Variants in LIMA1 observed in about 807,000 individuals in gnomAD.
The protein encoded by LIMA1 is LIM domain and actin binding 1, also known as LIM domain and actin-binding protein 1.
A neutral mutation model predicts 62.6 loss-of-function variants in LIMA1; 52 were observed. The observed-to-expected ratio is 0.83, with a 90% confidence interval of 0.67 to 1.05. LIMA1 has a LOEUF of 1.05. Ranked by LOEUF, LIMA1 falls within the 50% of genes least tolerant of loss-of-function variation. LIMA1 has a pLI of 0.00. For missense variants in LIMA1, 780 were observed against 902.2 expected (o/e 0.86, Z 1.74); for synonymous variants, 302 against 317.8 (o/e 0.95, Z 0.53).
chr12:50,201,663 G>A (rs1265326113), intron 6 of LIMA1: 4 of 325,216 alleles, frequency 1.2e-5, no homozygotes, highest in African/African-American at 2.3e-5. Flanking sequence ...TTGGGAAGCT[G>A]AGGCGGGTGG....
intron 4 of LIMA1, among the ~76,000 whole-genome samples, chr12:50,216,668 C>T (rs1329846167): frequency 6.6e-6 from 1 of 151,742 alleles, no homozygotes; most frequent in Non-Finnish European, 1.5e-5. Context: ...CAAGACCAGC[C>T]TATCCAACAT....
chr12:50,279,240 A>T (rs1258381342), intron 1 of LIMA1, among the ~76,000 whole-genome samples: 1 of 151,036 alleles, frequency 6.6e-6, no homozygotes, highest in East Asian at 1.9e-4. Context: ...TCCTGACCTC[A>T]AGTGATCACC....
intron 1 of LIMA1, among the ~76,000 whole-genome samples, chr12:50,272,679 T>A (rs1343664741): frequency 6.6e-6 from 1 of 151,630 alleles, no homozygotes; most frequent in Non-Finnish European, 1.5e-5. Context: ...CACATAAAGA[T>A]GTACCAAATC....
intron 9 of LIMA1, 138 bp from the exon 10 acceptor site, chr12:50,182,175 A>G: frequency 2.3e-6 from 2 of 859,206 alleles, no homozygotes; most frequent in South Asian, 3.6e-5. Context: ...ACCTGCTACA[A>G]TTCTATCAGC....
chr12:50,193,667 T>TATATATATA (rs1491331766), intron 8 of LIMA1, among the ~76,000 whole-genome samples: 5 of 52,572 alleles, frequency 9.5e-5, no homozygotes, highest in African/African-American at 4.3e-4. Flanking sequence ...TATATATATA[T>TATATATATA]TTTTTTTTTT....
At chr12:50,206,277 C>T (rs895321498) in intron 4 of LIMA1, among the ~76,000 whole-genome samples, 1 of 152,166 alleles carries the variant, frequency 6.6e-6, no homozygotes, top group Non-Finnish European at 1.5e-5. Flanking sequence ...GTAATATTCT[C>T]TGCTAAAGAT....
chr12:50,277,434 A>G (rs557969075), intron 1 of LIMA1, among the ~76,000 whole-genome samples: 52 of 152,310 alleles, frequency 3.4e-4, no homozygotes, highest in African/African-American at 1.2e-3. Context: ...ACAGAAAGTA[A>G]TTCCAGAATG....
In LIMA1 at chr12:50,176,954, G is replaced by T; in HGVS notation, c.*110C>A. On this transcript the variant is annotated 3_prime_UTR_variant, in exon 11 of 11. Coordinates refer to ENST00000341247, the MANE Select transcript of LIMA1 (RefSeq NM_016357.5). ...AATTCTTTTCCAAAGTTACTTCCAA[G>T]TAAATTACATTTCATGCTGGGATAC... 2 of 862,350 alleles carry T rather than the reference G, an allele frequency of 2.3e-6. No homozygotes were observed. Among genetic ancestry groups the T allele is most frequent in the Non-Finnish European group, 3.3e-6 (2 of 599,962 alleles). The allele number at this position is 862,350 out of a possible 1,614,324, so 53.4% of individuals were successfully genotyped here. A position where few individuals can be genotyped will look rare whatever the true frequency, so the allele number is the denominator to read the frequency against.
chr12:50,217,905 CTTTTTTTTT>C (rs34408114), intron 4 of LIMA1: 2 of 124,826 alleles, frequency 1.6e-5, no homozygotes, highest in South Asian at 2.3e-4. Flanking sequence ...AATTTCTTTT[CTTTTTTTTT>C]TTTTTTTTTT....
At chr12:50,205,916 G>C in intron 5 of LIMA1, 68 bp downstream of exon 5, 2 of 1,160,424 alleles carry the variant, frequency 1.7e-6, no homozygotes, top group Non-Finnish European at 2.5e-6. Flanking sequence ...TTGGCTTCGA[G>C]TCCAAAAGAT....
chr12:50,275,297 G>A (rs1942263285), intron 1 of LIMA1, among the ~76,000 whole-genome samples: 1 of 152,174 alleles, frequency 6.6e-6, no homozygotes, highest in Non-Finnish European at 1.5e-5. Context: ...GAACCCAGGA[G>A]GTGGGGGTTG....
At chr12:50,207,378 G>A (rs1941173226) in intron 4 of LIMA1, among the ~76,000 whole-genome samples, 1 of 152,124 alleles carries the variant, frequency 6.6e-6, no homozygotes. Context: ...TACACAGGGA[G>A]TATGTCATGT....
At chr12:50,266,496 T>C (rs1345390071) in intron 1 of LIMA1, among the ~76,000 whole-genome samples, 1 of 152,370 alleles carries the variant, frequency 6.6e-6, no homozygotes, top group African/African-American at 2.4e-5. Context: ...TATTTCATTC[T>C]GTAATAGTTT....
intron 1 of LIMA1, among the ~76,000 whole-genome samples, chr12:50,274,259 C>A (rs1196083993): frequency 6.6e-6 from 1 of 152,148 alleles, no homozygotes; most frequent in Non-Finnish European, 1.5e-5. Context: ...AAGTCTTTGG[C>A]AGTATTCCAA....
intron 6 of LIMA1, chr12:50,201,465 T>C: frequency 7.1e-6 from 7 of 980,992 alleles, no homozygotes; most frequent in Non-Finnish European, 8.5e-6. Context: ...AAGACATAAT[T>C]TATTTTACTT....
At chr12:50,252,886 T>C (rs1006834357) in intron 1 of LIMA1, among the ~76,000 whole-genome samples, 2 of 152,212 alleles carry the variant, frequency 1.3e-5, no homozygotes, top group African/African-American at 4.8e-5. Context: ...TAAAATATTA[T>C]TCAGCAGTAG....
At chr12:50,219,763 T>G (rs1205589248) in intron 4 of LIMA1, 1 of 148,744 alleles carries the variant, frequency 6.7e-6, no homozygotes, top group Non-Finnish European at 1.5e-5. Flanking sequence ...CATGGCTCAC[T>G]GCAACCTCAA....
rs368069573 is a variant in LIMA1, at chr12:50,205,006, A to T, written c.716-306T>A. 2.0e-4 allele frequency among the ~76,000 whole-genome samples: 31 copies of T among 152,294 alleles called. No individual in the cohort carries two copies. The South Asian group carries it at 2.5e-3, about 12-fold the overall frequency. On this transcript the variant is annotated intron_variant, in intron 5 of 10. Transcript: ENST00000341247. ...CACGAAGAAGAAAATCAGGAATATA[A>T]TTGTCATTTATAAAGTAATATTCAC... is the stretch of plus-strand genomic sequence containing the variant.
At chr12:50,179,874 A>C (rs553380703) in intron 10 of LIMA1, among the ~76,000 whole-genome samples, 4 of 151,234 alleles carry the variant, frequency 2.6e-5, no homozygotes, top group African/African-American at 9.7e-5. Context: ...AGCCTCCCCA[A>C]ATTTTTCATA....
Sources: gnomAD v4.1 joint callset for allele counts (sites outside exome capture counted in the v4.1 genomes callset) on GRCh38, gnomAD v4.1.1 for gene constraint, MANE v1.5 for transcripts, NCBI Gene and HGNC (gene_info 2026-07-23, HGNC 2026-07-21) for gene names.